DGKG: variants seen among roughly 807,000 people sequenced by gnomAD.
DGKG encodes diacylglycerol kinase gamma.
DGKG carries 78 observed loss-of-function variants against 105.3 expected under a neutral mutation model. The observed-to-expected ratio is 0.74, with a 90% CI of 0.62 to 0.89. The LOEUF is 0.89. DGKG is among the 40% of genes least tolerant of loss of function. The pLI is 0.00. For missense variants in DGKG, 958 were observed against 1,020.1 expected (o/e 0.94, Z 0.83); for synonymous variants, 346 against 367.1 (o/e 0.94, Z 0.66).
At chr3:186,319,467 A>G (rs1025800736) in intron 2 of DGKG, among the ~76,000 whole-genome samples, 1 of 152,186 alleles carries the variant, frequency 6.6e-6, no homozygotes, top group Non-Finnish European at 1.5e-5. Flanking sequence ...CCTGTGCAAG[A>G]GCAATAGAGC....
intron 19 of DGKG, among the ~76,000 whole-genome samples, chr3:186,248,464 A>G (rs150895103): frequency 6.6e-6 from 1 of 152,102 alleles, no homozygotes; most frequent in African/African-American, 2.4e-5. Flanking sequence ...TCCTTTGACC[A>G]TTCTTCTCTG....
intron 1 of DGKG, among the ~76,000 whole-genome samples, chr3:186,338,426 G>A (rs1463991558): frequency 2.0e-5 from 3 of 152,148 alleles, no homozygotes; most frequent in Admixed American, 6.5e-5. Flanking sequence ...GTTTATTCAT[G>A]TGAGTGATAA....
intron 20 of DGKG, among the ~76,000 whole-genome samples, chr3:186,227,788 C>T (rs532769861): frequency 4.6e-5 from 7 of 152,138 alleles, no homozygotes; most frequent in South Asian, 2.1e-4. Context: ...CATAATAAAA[C>T]GCATGCAATT....
chr3:186,319,293 C>T (rs923218699), intron 2 of DGKG, among the ~76,000 whole-genome samples: 2 of 152,100 alleles, frequency 1.3e-5, no homozygotes, highest in East Asian at 1.9e-4. Flanking sequence ...GGAGAGAACA[C>T]TTAGTCCAAC....
intron 1 of DGKG, among the ~76,000 whole-genome samples, chr3:186,331,607 T>C (rs977775734): frequency 3.9e-5 from 6 of 152,106 alleles, no homozygotes; most frequent in African/African-American, 1.4e-4. Flanking sequence ...CTGAACCAAA[T>C]GCCCAGGTGG....
intron 1 of DGKG, among the ~76,000 whole-genome samples, chr3:186,347,865 G>A (rs1464911168): frequency 6.6e-6 from 1 of 152,198 alleles, no homozygotes; most frequent in Non-Finnish European, 1.5e-5. Flanking sequence ...TTACAGGCAT[G>A]AGCCTCCGCA....
intron 2 of DGKG, among the ~76,000 whole-genome samples, 156 bp from the exon 3 acceptor site, chr3:186,307,133 ACTT>A (rs1369792150): frequency 4.6e-5 from 7 of 152,042 alleles, no homozygotes; most frequent in Non-Finnish European, 2.9e-5. Context: ...TTGTCCTCTC[ACTT>A]CTTCTTTTCC....
At chr3:186,225,545 A>G (rs182861180) in intron 20 of DGKG, among the ~76,000 whole-genome samples, 4 of 152,142 alleles carry the variant, frequency 2.6e-5, no homozygotes, top group Admixed American at 2.6e-4. Context: ...AAATTGGAAA[A>G]TTTTACATAC....
Position 186,320,617 on chromosome 3 carries a change from AC to A in DGKG, c.-159del. The A allele has an allele frequency of 3.3e-6, 4 of 1,228,916 alleles. No individual in the cohort carries two copies. Among genetic ancestry groups the A allele is most frequent in the Non-Finnish European group, 4.4e-6 (4 of 906,392 alleles). The allele number at this position is 1,228,916 out of a possible 1,614,324, so 76.1% of individuals were successfully genotyped here. A position where few individuals can be genotyped will look rare whatever the true frequency, so the allele number is the denominator to read the frequency against. On this transcript the variant is annotated 5_prime_UTR_variant, in exon 2 of 25. Transcript: ENST00000265022. ...TCAAGTGTATACAGCAGCAGCAGGC[AC>A]CTCTCAGAAGATGAGACAAGATCTC...
intron 1 of DGKG, among the ~76,000 whole-genome samples, chr3:186,350,098 C>A (rs1249254934): frequency 6.6e-6 from 1 of 152,034 alleles, no homozygotes; most frequent in Non-Finnish European, 1.5e-5. Context: ...TCATGTTGGC[C>A]AGGCTGGTCT....
intron 2 of DGKG, 108 bp downstream of exon 2, chr3:186,320,285 G>C: frequency 1.5e-6 from 2 of 1,345,566 alleles, no homozygotes; most frequent in Non-Finnish European, 2.1e-6. Context: ...CGTCAGGCCT[G>C]ACATCATTCT....
At chr3:186,183,448 C>G (rs1465040921) in intron 22 of DGKG, among the ~76,000 whole-genome samples, 2 of 151,552 alleles carry the variant, frequency 1.3e-5, no homozygotes, top group African/African-American at 2.4e-5. Context: ...ATTGTTGTTA[C>G]AAAAACTAAA....
chr3:186,212,981 T>G (rs1026732948), intron 20 of DGKG, among the ~76,000 whole-genome samples: 13 of 152,180 alleles, frequency 8.5e-5, no homozygotes, highest in African/African-American at 3.1e-4. Flanking sequence ...CTCATGTTCC[T>G]TAGGTTGTAG....
chr3:186,196,047 T>C (rs1186542161), intron 21 of DGKG, among the ~76,000 whole-genome samples: 1 of 152,168 alleles, frequency 6.6e-6, no homozygotes, highest in African/African-American at 2.4e-5. Context: ...ACCTTCCCTG[T>C]ACCTTTCTTC....
intron 21 of DGKG, among the ~76,000 whole-genome samples, chr3:186,193,396 C>T (rs1242911620): frequency 2.0e-5 from 3 of 152,214 alleles, no homozygotes; most frequent in Admixed American, 1.3e-4. Flanking sequence ...GTCTGGAATG[C>T]AGTAGCACTG....
chr3:186,311,952 TAAAAATAC>T (rs1724567000), intron 2 of DGKG, among the ~76,000 whole-genome samples: 1 of 135,064 alleles, frequency 7.4e-6, no homozygotes, highest in Admixed American at 6.9e-5. Context: ...CCGTCTCTAC[TAAAAATAC>T]AAAAAATTAG....
chr3:186,270,448 A>ATT (rs1722263902), intron 11 of DGKG, among the ~76,000 whole-genome samples: 1 of 152,210 alleles, frequency 6.6e-6, no homozygotes, highest in South Asian at 2.1e-4. Context: ...AATGTTTTAA[A>ATT]TTACTTAGCA....
intron 18 of DGKG, among the ~76,000 whole-genome samples, chr3:186,252,869 C>T (rs1167738040): frequency 6.6e-6 from 1 of 152,136 alleles, no homozygotes; most frequent in African/African-American, 2.4e-5. Flanking sequence ...AAACTCGGGG[C>T]TGAGGGAGAA....
chr3:186,273,367 C>CCT (rs1553811123), intron 10 of DGKG, among the ~76,000 whole-genome samples: 2,374 of 85,640 alleles, frequency 0.028, 316 homozygotes, highest in South Asian at 0.048. Context: ...TGTTGTACCC[C>CCT]TTTTTTTTTT....
Sources: gnomAD v4.1 joint callset for allele counts (sites outside exome capture counted in the v4.1 genomes callset) on GRCh38, gnomAD v4.1.1 for gene constraint, MANE v1.5 for transcripts, NCBI Gene and HGNC (gene_info 2026-07-23, HGNC 2026-07-21) for gene names.